The following CAPZB variants were observed in gnomAD, a reference collection of about 807,000 sequenced individuals.
CAPZB encodes the protein F-actin-capping protein subunit beta.
In CAPZB, 2 loss-of-function variants were observed where a neutral mutation model predicts 38.1. The ratio of observed to expected loss-of-function variants is 0.05; its 90% CI spans 0.02 to 0.17. The LOEUF (loss-of-function observed/expected upper bound fraction) is 0.17. Ranked by LOEUF, CAPZB falls within the 10% of genes least tolerant of loss-of-function variation. The probability of loss-of-function intolerance (pLI) is 1.00; values close to 1 mark genes in which losing one functional copy is unlikely to be tolerated. For synonymous variants in CAPZB, 107 were observed against 127.4 expected, an observed-to-expected ratio of 0.84 and a Z score of 1.08; for missense variants, 161 against 334.2, an observed-to-expected ratio of 0.48 and a Z score of 4.04.
chr1:19,433,464 T>C (rs1395844947), intron 1 of CAPZB, among the ~76,000 whole-genome samples: 2 of 152,186 alleles, frequency 1.3e-5, no homozygotes, highest in African/African-American at 4.8e-5. Context: ...CAAACAGATT[T>C]ATAAGATGGC....
At chr1:19,345,470 C>A (rs1274407604) in intron 6 of CAPZB, among the ~76,000 whole-genome samples, 1 of 152,246 alleles carries the variant, frequency 6.6e-6, no homozygotes, top group Middle Eastern at 3.2e-3. Flanking sequence ...CCCAGAGTCC[C>A]ACTTCCAAGG....
chr1:19,454,108 G>A (rs2094525567), intron 1 of CAPZB, among the ~76,000 whole-genome samples: 1 of 152,170 alleles, frequency 6.6e-6, no homozygotes, highest in South Asian at 2.1e-4. Context: ...GTTTCTCCAG[G>A]CTCAGGCCCT....
intron 2 of CAPZB, among the ~76,000 whole-genome samples, chr1:19,398,700 G>A (rs540739083): frequency 6.6e-6 from 1 of 151,932 alleles, no homozygotes; most frequent in Non-Finnish European, 1.5e-5. Context: ...ACCAAGCAGG[G>A]GAGACTGGAG....
chr1:19,438,809 G>A (rs1343962166), intron 1 of CAPZB, among the ~76,000 whole-genome samples: 7 of 152,224 alleles, frequency 4.6e-5, no homozygotes, highest in South Asian at 2.1e-4. Flanking sequence ...GGTGCTGTGC[G>A]TGACTCCCCA....
chr1:19,434,980 T>C (rs1315141361), intron 1 of CAPZB, among the ~76,000 whole-genome samples: 4 of 76,654 alleles, frequency 5.2e-5, no homozygotes, highest in Non-Finnish European at 8.4e-5. Flanking sequence ...GTTTTTTTTT[T>C]CCTTTCTGTC....
At chr1:19,464,777 G>A (rs2094563881) in intron 1 of CAPZB, among the ~76,000 whole-genome samples, 1 of 152,126 alleles carries the variant, frequency 6.6e-6, no homozygotes, top group Non-Finnish European at 1.5e-5. Flanking sequence ...CACGAAAGAG[G>A]TCAAACACAA....
intron 1 of CAPZB, among the ~76,000 whole-genome samples, chr1:19,481,879 C>T (rs545404858): frequency 5.3e-5 from 8 of 152,330 alleles, no homozygotes; most frequent in African/African-American, 1.9e-4. Flanking sequence ...ACGATGACAT[C>T]CCCACCCCTC....
chr1:19,446,608 TACCCACTGCTCC>T (rs1398877818), intron 1 of CAPZB, among the ~76,000 whole-genome samples: 2 of 141,346 alleles, frequency 1.4e-5, no homozygotes, highest in Non-Finnish European at 3.1e-5. Flanking sequence ...CCCACTGCTC[TACCCACTGCTCC>T]ACGGCAAAAA....
At chr1:19,361,155 G>T (rs1279373668) in intron 4 of CAPZB, among the ~76,000 whole-genome samples, 1 of 152,134 alleles carries the variant, frequency 6.6e-6, no homozygotes, top group African/African-American at 2.4e-5. Flanking sequence ...TATTCAGTCG[G>T]GTAGTATCCT....
intron 4 of CAPZB, among the ~76,000 whole-genome samples, chr1:19,367,794 C>T (rs1487279119): frequency 1.3e-5 from 2 of 152,178 alleles, no homozygotes; most frequent in African/African-American, 4.8e-5. Context: ...CTCGCTTTTA[C>T]GAGGCTTTTA....
chr1:19,459,664 G>A (rs1025834407), intron 1 of CAPZB, among the ~76,000 whole-genome samples: 1 of 152,138 alleles, frequency 6.6e-6, no homozygotes, highest in African/African-American at 2.4e-5. Context: ...GGTTGAAGAA[G>A]AGTAAAACAG....
chr1:19,390,666 C>A (rs1054153007), intron 2 of CAPZB, among the ~76,000 whole-genome samples: 3 of 152,112 alleles, frequency 2.0e-5, no homozygotes, highest in African/African-American at 7.2e-5. Flanking sequence ...CGGTGGTACC[C>A]AGGAGGCCAC....
Position 19,385,625 on chromosome 1 carries a change from A to G in CAPZB, c.95T>C (p.Val32Ala), listed in dbSNP as rs993754632. 1.9e-6 allele frequency: 3 copies of G among 1,614,062 alleles called. No individual in the cohort carries two copies. In the African/African-American group the frequency reaches 4.0e-5, roughly 22 times the overall value. The change falls in exon 3 of 9, where the codon GTC becomes GCC. Residue 32 changes from valine (V) to alanine (A), a missense_variant and splice_region_variant. Val to Ala is a moderately conservative substitution (Grantham distance 64). Coordinates refer to ENST00000264202, the MANE Select transcript of CAPZB (RefSeq NM_004930.5). ...CAGGAGATCCTCACATAGACTGGGG[A>G]CCTGGCAGAGAGAAAGGACAAGGTC... Reference protein sequence around the residue: ...EKNLSDLIDLVPSLCEDLLSS... With the variant: ...EKNLSDLIDLAPSLCEDLLSS...
chr1:19,368,744 T>C (rs1382342937), intron 4 of CAPZB, among the ~76,000 whole-genome samples: 2 of 151,470 alleles, frequency 1.3e-5, no homozygotes, highest in South Asian at 2.1e-4. Context: ...CATAGTTCAC[T>C]GCAGCCTCCA....
chr1:19,339,300 T>TGGAAATGTGGAG lies in CAPZB; in HGVS notation c.*218_*229dup. The TGGAAATGTGGAG allele has an allele frequency of 5.3e-6, 3 of 564,356 alleles. No individual in the cohort carries two copies. The highest frequency in any genetic ancestry group is 9.5e-6 in the Non-Finnish European group (3 of 316,094). 35.0% of individuals were successfully genotyped at this position (564,356 alleles called of 1,614,324 possible). On this transcript the variant is annotated 3_prime_UTR_variant, in exon 9 of 9. Coordinates refer to ENST00000264202, the MANE Select transcript of CAPZB (RefSeq NM_004930.5). ...GTGAACAAAAACCACACGGTCTCTA[T>TGGAAATGTGGAG]GGAAATGTGGAGAGAACTGAGAGCG...
At chr1:19,365,759 G>A (rs943240553) in intron 4 of CAPZB, among the ~76,000 whole-genome samples, 6 of 151,902 alleles carry the variant, frequency 3.9e-5, no homozygotes, top group Admixed American at 1.3e-4. Flanking sequence ...GCTTGAACCC[G>A]GGAGGCAGAG....
At chr1:19,375,694 A>G (rs1358935654) in intron 4 of CAPZB, among the ~76,000 whole-genome samples, 1 of 152,176 alleles carries the variant, frequency 6.6e-6, no homozygotes, top group Non-Finnish European at 1.5e-5. Context: ...CCACCTTACA[A>G]ATACACATTT....
chr1:19,435,145 T>C (rs1325336426), intron 1 of CAPZB, among the ~76,000 whole-genome samples: 1 of 152,134 alleles, frequency 6.6e-6, no homozygotes, highest in African/African-American at 2.4e-5. Flanking sequence ...CCGCTCCTTT[T>C]TGGTTCTTTT....
intron 1 of CAPZB, chr1:19,484,722 C>CG (rs2094644701): frequency 9.5e-7 from 1 of 1,056,064 alleles, no homozygotes; most frequent in African/African-American, 1.7e-5. Context: ...AGGCTCAGGG[C>CG]GGGGACCGAG....
Sources: allele counts gnomAD v4.1 joint callset (sites outside exome capture counted in the v4.1 genomes callset), GRCh38; gene constraint gnomAD v4.1.1; transcripts MANE v1.5; gene names NCBI Gene and HGNC (gene_info 2026-07-23, HGNC 2026-07-21).